Variants in PKD1L1 observed in about 807,000 individuals in gnomAD.
PKD1L1 encodes polycystin 1 like 1, transient receptor potential channel interacting.
Under a neutral mutation model 323.4 loss-of-function variants are expected in PKD1L1, and 236 were observed. That is an observed-to-expected ratio of 0.73 (90% CI 0.66 to 0.81). The LOEUF is 0.81. Ranked by LOEUF, PKD1L1 falls within the 40% of genes least tolerant of loss-of-function variation. The pLI, the probability that PKD1L1 is intolerant of heterozygous loss-of-function variation, is 0.00. For missense variants in PKD1L1, 3,320 were observed against 3,508.0 expected, an observed-to-expected ratio of 0.95 and a Z score of 1.35; for synonymous variants, 1,344 against 1,335.0, an observed-to-expected ratio of 1.01 and a Z score of -0.15.
At chr7:47,854,004 A>G (rs1291165788) in intron 30 of PKD1L1, among the ~76,000 whole-genome samples, 1 of 152,234 alleles carries the variant, frequency 6.6e-6, no homozygotes, top group African/African-American at 2.4e-5. Context: ...CTTAGTAGTT[A>G]GACTCAGAAA....
At chr7:47,935,349 C>G (rs539766775) in intron 4 of PKD1L1, among the ~76,000 whole-genome samples, 2 of 152,280 alleles carry the variant, frequency 1.3e-5, no homozygotes, top group African/African-American at 2.4e-5. Context: ...ATGCTCTGCC[C>G]TGAAATGGAT....
chr7:47,931,047 G>A, intron 6 of PKD1L1, 57 bp downstream of exon 6: 2 of 1,526,772 alleles, frequency 1.3e-6, no homozygotes, highest in Non-Finnish European at 1.8e-6. Flanking sequence ...GGGCATGGAT[G>A]GTTCCAGACT....
At position 47,796,038 on chromosome 7, in the gene PKD1L1, A is replaced by G. The variant is rs868243857; in HGVS notation, c.8306T>C (p.Leu2769Pro). The G allele has an allele frequency of 1.2e-6, 2 of 1,613,134 alleles. No homozygotes were observed. Among genetic ancestry groups the G allele is most frequent in the Middle Eastern group, 1.7e-4 (1 of 6,060 alleles). The change falls in exon 55 of 57, where the codon CTG becomes CCG. Residue 2769 changes from leucine to proline, a missense_variant. Physicochemically the swap from Leu to Pro is moderately conservative, Grantham distance 98. Transcript: ENST00000289672. ...AYMWEKVLTF[L>P]RLETPKLEEA... The stretch of plus-strand genomic sequence containing the variant: ...TTCCAACTTTGGTGTTTCCAGTCTC[A>G]GAAAGGTGAGGACCTTTTCCCACAT...
At chr7:47,826,184 C>T (rs1785237131) in intron 45 of PKD1L1, among the ~76,000 whole-genome samples, 1 of 152,160 alleles carries the variant, frequency 6.6e-6, no homozygotes, top group Non-Finnish European at 1.5e-5. Context: ...CCATCCTTCC[C>T]GCCACCATGT....
At chr7:47,891,912 G>A (rs2128748912) in intron 15 of PKD1L1, among the ~76,000 whole-genome samples, 1 of 152,324 alleles carries the variant, frequency 6.6e-6, no homozygotes, top group East Asian at 1.9e-4. Context: ...AAATTGGGGA[G>A]TCCAAGCAGC....
intron 47 of PKD1L1, among the ~76,000 whole-genome samples, chr7:47,814,716 G>A (rs1471081700): frequency 6.6e-6 from 1 of 152,124 alleles, no homozygotes; most frequent in African/African-American, 2.4e-5. Flanking sequence ...GTTTCCCCAT[G>A]TTGGCCAGGC....
chr7:47,821,114 T>C lies in PKD1L1; in HGVS notation c.6927A>G (p.Glu2309=). The C allele has an allele frequency of 1.2e-6, 2 of 1,607,700 alleles. No homozygotes were observed. Among genetic ancestry groups the C allele is most frequent in the South Asian group, 1.1e-5 (1 of 90,936 alleles). ...TCCGGATAGCTTGATTGAGGGAGTATTCATCTTGGGAAAATCTCCCATATA... is the reference window on the plus strand; with the variant it reads ...TCCGGATAGCTTGATTGAGGGAGTACTCATCTTGGGAAAATCTCCCATATA... The part of the protein sequence containing the change: ...CVIYGRFSQD[E]YSLNQAIRKE... Residue 2309 remains glutamate, a synonymous_variant, in exon 46 of 57, where the codon GAA becomes GAG. Coordinates refer to ENST00000289672, the MANE Select transcript of PKD1L1 (RefSeq NM_138295.5).
At chr7:47,790,380 AG>A (rs1326992557) in intron 56 of PKD1L1, among the ~76,000 whole-genome samples, 7 of 150,534 alleles carry the variant, frequency 4.7e-5, no homozygotes, top group Non-Finnish European at 4.4e-5. Flanking sequence ...CCCAGGCTGG[AG>A]GTGCAGTGGC....
At chr7:47,949,368 C>CAAAAAAAAAAAAAAAAAAAAAAAA (rs58131581), upstream of PKD1L1, among the ~76,000 whole-genome samples, 1 of 57,134 alleles carries the variant, frequency 1.8e-5, no homozygotes, top group African/African-American at 6.7e-5. Flanking sequence ...GGCTCTGTCT[C>CAAAAAAAAAAAAAAAAAAAAAAAA]AAAAAAAAAA....
At chr7:47,902,138 C>T (rs1029633298) in intron 13 of PKD1L1, among the ~76,000 whole-genome samples, 4 of 152,222 alleles carry the variant, frequency 2.6e-5, no homozygotes, top group Non-Finnish European at 5.9e-5. Flanking sequence ...CTTATTCACA[C>T]ACCAGACCCC....
At chr7:47,854,836 A>C (rs189359204) in intron 30 of PKD1L1, 46 bp downstream of exon 30, 36 of 1,588,750 alleles carry the variant, frequency 2.3e-5, no homozygotes, top group Non-Finnish European at 3.1e-5. Context: ...TCTTAAGGAC[A>C]ATATGTCTTA....
At chr7:47,928,372 C>T (rs1009147650) in intron 7 of PKD1L1, among the ~76,000 whole-genome samples, 11 of 151,672 alleles carry the variant, frequency 7.3e-5, no homozygotes, top group African/African-American at 2.7e-4. Context: ...AGTTTGGGAC[C>T]AGCTAGGCCA....
rs1339546515 is a variant in PKD1L1, at chr7:47,813,982, T to C, written c.7122A>G (p.Ile2374Met). The C allele has an allele frequency of 1.1e-5, 17 of 1,614,114 alleles. No homozygotes were observed. In the East Asian group the frequency reaches 3.8e-4, roughly 36 times the overall value. Residue 2374 changes from isoleucine (I) to methionine (M), a missense_variant, in exon 48 of 57, where the codon ATA (isoleucine) becomes ATG (methionine). Physicochemically the swap from Ile to Met is conservative, Grantham distance 10 (BLOSUM62 1). Transcript: ENST00000289672. ...PGALGGKCYL[I>M]GSSVIRQLKV... is the part of the protein sequence containing the mutation. ...TTAGCTGCCTAATTACGGAACTGCC[T>C]ATTAGGTAGCATTTTCCTCCAAGAG... is the stretch of plus-strand genomic sequence containing the variant.
intron 40 of PKD1L1, 116 bp from the exon 41 acceptor site, chr7:47,833,368 G>C (rs1479432134): frequency 4.1e-6 from 5 of 1,213,962 alleles, no homozygotes; most frequent in Non-Finnish European, 5.7e-6. Context: ...CATGGGCGGG[G>C]TGTGGTGCTG....
chr7:47,839,556 T>C lies in PKD1L1; in HGVS notation c.5659A>G (p.Thr1887Ala). ...GCAGGGAAGAACCAGCCCTGTCCCG[T>C]GTGCAGCTCCTTCACCATCACGTGG... ...ISHVMVKELH[T>A]GQGWFFPAQC... The change falls in exon 36 of 57, where the codon ACG becomes GCG. Residue 1887 changes from threonine (T) to alanine (A), a missense_variant. Physicochemically the swap from Thr to Ala is moderately conservative, Grantham distance 58. Transcript: ENST00000289672. This position sits in a 1 kb window ranked among gnomAD's most constrained non-coding sequence, Gnocchi z 4.3. The C allele has an allele frequency of 6.2e-7, 1 of 1,608,356 alleles. No homozygotes were observed. The highest frequency in any genetic ancestry group is 1.1e-5 in the South Asian group (1 of 89,462).
chr7:47,866,449 A>G lies in PKD1L1; in HGVS notation c.4062T>C (p.Ser1354=), dbSNP rs760208309. The G allele has an allele frequency of 1.2e-6, 2 of 1,613,778 alleles. No homozygotes were observed. ...CTACAAAAGCCAATCTGCATACTGAAGAAATTAATGCATCCTGTATTCGTG... is the reference window on the plus strand; with the variant it reads ...CTACAAAAGCCAATCTGCATACTGAGGAAATTAATGCATCCTGTATTCGTG... ...QWSRIQDALI[S]SVCRLAFVDQ... Residue 1354 remains serine, a synonymous_variant, in exon 25 of 57, where the codon TCT becomes TCC. Coordinates refer to ENST00000289672, the MANE Select transcript of PKD1L1 (RefSeq NM_138295.5).
Position 47,888,046 on chromosome 7 carries a change from A to G in PKD1L1, c.2780T>C (p.Leu927Pro), listed in dbSNP as rs1440073881. ...MCEDCSEIPN[L>P]SYSWDLFLVN... ...TAAAAAGAGATCCCAGGAATAAGAC[A>G]GATTCGGTATTTCACTGCAGTCCTC... The change falls in exon 17 of 57, where the codon CTG becomes CCG. Residue 927 changes from leucine (L) to proline (P), a missense_variant. Transcript: ENST00000289672. The G allele has an allele frequency of 6.2e-7, 1 of 1,614,038 alleles. No individual in the cohort carries two copies. The highest frequency in any genetic ancestry group is 8.5e-7 in the Non-Finnish European group (1 of 1,179,884).
At chr7:47,958,885 T>C in the PKD1L1 span, among the ~76,000 whole-genome samples, 4 of 152,190 alleles carry the variant, frequency 2.6e-5, no homozygotes, top group African/African-American at 9.6e-5. Flanking sequence ...GAAGCTGGAC[T>C]GTACTGCTGC....
chr7:47,872,218 G>A (rs1214270250), intron 24 of PKD1L1, among the ~76,000 whole-genome samples: 3 of 152,178 alleles, frequency 2.0e-5, no homozygotes, highest in African/African-American at 7.2e-5. Context: ...GCCAGAGCAA[G>A]GCTGGAGAGG....
Sources: gnomAD v4.1 joint callset for allele counts (sites outside exome capture counted in the v4.1 genomes callset) on GRCh38, gnomAD v4.1.1 for gene constraint, Gnocchi (gnomAD v3.1) non-coding constraint, MANE v1.5 for transcripts, NCBI Gene and HGNC (gene_info 2026-07-23, HGNC 2026-07-21) for gene names.